Variants in ARHGAP26 observed in about 807,000 individuals in gnomAD.
ARHGAP26 encodes rho GTPase-activating protein 26.
In ARHGAP26, 38 loss-of-function variants were observed where a neutral mutation model predicts 104.8. That is an observed-to-expected ratio of 0.36 (90% CI 0.28 to 0.48). The LOEUF is 0.48. ARHGAP26 is among the 20% of genes least tolerant of loss of function. The pLI is 0.99. For missense variants in ARHGAP26, 704 were observed against 947.9 expected (o/e 0.74, Z 3.38); for synonymous variants, 341 against 340.0 (o/e 1.00, Z -0.03).
intron 12 of ARHGAP26, among the ~76,000 whole-genome samples, chr5:143,034,075 G>A (rs982129150): frequency 3.3e-5 from 5 of 152,148 alleles, no homozygotes; most frequent in Non-Finnish European, 5.9e-5. Flanking sequence ...CCACTAGGAT[G>A]GCTATAATAA....
chr5:142,926,990 G>C (rs7735698), intron 10 of ARHGAP26, among the ~76,000 whole-genome samples: 15,364 of 152,060 alleles, frequency 0.1, 1,953 homozygotes, highest in African/African-American at 0.29. Flanking sequence ...TGGGAGACAA[G>C]TAATTGAACT....
At chr5:143,062,474 ACT>A (rs943582466) in intron 17 of ARHGAP26, among the ~76,000 whole-genome samples, 37 of 148,394 alleles carry the variant, frequency 2.5e-4, no homozygotes, top group African/African-American at 7.7e-4. Context: ...AAATATGTAG[ACT>A]CTGTTGGCAG....
intron 1 of ARHGAP26, among the ~76,000 whole-genome samples, chr5:142,853,196 A>T (rs66542758): frequency 0.22 from 32,878 of 151,614 alleles, 5,164 homozygotes; most frequent in East Asian, 0.63. Flanking sequence ...TTTTATTATT[A>T]TTTTTTGAGA....
At chr5:142,979,154 A>G (rs1314107622) in intron 11 of ARHGAP26, among the ~76,000 whole-genome samples, 4 of 152,238 alleles carry the variant, frequency 2.6e-5, no homozygotes, top group Admixed American at 6.5e-5. Context: ...TGATAATACC[A>G]TGGTGAAGAT....
intron 1 of ARHGAP26, among the ~76,000 whole-genome samples, chr5:142,832,224 C>T (rs1768588456): frequency 6.6e-6 from 1 of 152,130 alleles, no homozygotes; most frequent in Admixed American, 6.5e-5. Flanking sequence ...TGTCCCCTGC[C>T]AAAATTTGTA....
At chr5:143,093,406 A>G (rs991458169) in intron 17 of ARHGAP26, among the ~76,000 whole-genome samples, 2 of 152,212 alleles carry the variant, frequency 1.3e-5, no homozygotes, top group Non-Finnish European at 2.9e-5. Context: ...TTATAGGGTC[A>G]GGAGAAGACC....
chr5:142,887,698 T>C (rs1298250992), intron 5 of ARHGAP26, among the ~76,000 whole-genome samples: 1 of 152,214 alleles, frequency 6.6e-6, no homozygotes, highest in Non-Finnish European at 1.5e-5. Flanking sequence ...CAGGCATTGC[T>C]TTTTAGTTGT....
At chr5:143,191,354 C>G (rs1324230071) in intron 20 of ARHGAP26, among the ~76,000 whole-genome samples, 1 of 152,122 alleles carries the variant, frequency 6.6e-6, no homozygotes, top group Non-Finnish European at 1.5e-5. Context: ...GACAAATATG[C>G]TTTTCATTCA....
At chr5:143,115,848 A>C (rs1163034222) in intron 17 of ARHGAP26, among the ~76,000 whole-genome samples, 1 of 152,190 alleles carries the variant, frequency 6.6e-6, no homozygotes, top group African/African-American at 2.4e-5. Context: ...TCTTATTCCA[A>C]CTACTGTGCT....
chr5:142,797,710 C>T (rs566128342), intron 1 of ARHGAP26, among the ~76,000 whole-genome samples: 28 of 152,324 alleles, frequency 1.8e-4, no homozygotes, highest in Admixed American at 5.2e-4. Flanking sequence ...GCAGGTATTT[C>T]GGTTTTGCAG....
chr5:142,871,993 G>T lies in ARHGAP26; in HGVS notation c.155-1407G>T, dbSNP rs1246383375. On this transcript the variant is annotated intron_variant, in intron 1 of 22. Coordinates refer to ENST00000645722, the MANE Select transcript of ARHGAP26 (RefSeq NM_001135608.3). This position sits in a 1 kb window ranked among gnomAD's most constrained non-coding sequence, Gnocchi z 4.1. ...GTGTGGGAGGGCAGTCCAGGAGCAG[G>T]AGCTGCAGCTGCTGTCCATGCAGTA... Among the ~76,000 whole-genome samples the T allele has an allele frequency of 1.3e-5, 2 of 152,168 alleles. No individual in the cohort carries two copies. Among genetic ancestry groups the T allele is most frequent in the Non-Finnish European group, 2.9e-5 (2 of 68,036 alleles).
rs1236236610 is a variant in ARHGAP26 at position 142,900,318 on chromosome 5, ACTC to A, written c.598-1616_598-1614del. 7.7e-3 allele frequency among the ~76,000 whole-genome samples: 1,174 copies of A among 152,230 alleles called. 14 individuals are homozygous for A. Among genetic ancestry groups the A allele is most frequent in the African/African-American group, 0.027 (1,118 of 41,532 alleles). Reference sequence around the variant, plus strand: ...CTCTAGTGACTCCATGGGGCTTACCACTCATTCACGGATTTATGTTAGGGGTCT... The same window carrying A: ...CTCTAGTGACTCCATGGGGCTTACCAATTCACGGATTTATGTTAGGGGTCT... On this transcript the variant is annotated intron_variant, in intron 6 of 22. Coordinates refer to ENST00000645722, the MANE Select transcript of ARHGAP26 (RefSeq NM_001135608.3).
At chr5:142,837,314 A>G (rs1769783066) in intron 1 of ARHGAP26, among the ~76,000 whole-genome samples, 2 of 152,152 alleles carry the variant, frequency 1.3e-5, no homozygotes, top group Admixed American at 1.3e-4. Flanking sequence ...CATGAGAGGA[A>G]TTAAGGAAGG....
intron 21 of ARHGAP26, 69 bp from the exon 22 acceptor site, chr5:143,213,928 G>A: frequency 9.5e-7 from 1 of 1,049,464 alleles, no homozygotes; most frequent in Non-Finnish European, 1.4e-6. Flanking sequence ...GGGAAGAAGA[G>A]AGATGAAATG....
chr5:143,113,851 AT>A (rs777386749), intron 17 of ARHGAP26, among the ~76,000 whole-genome samples: 8 of 152,180 alleles, frequency 5.3e-5, no homozygotes, highest in Non-Finnish European at 1.2e-4. Context: ...TTTGGGTTGA[AT>A]TTTCTGAGGA....
intron 6 of ARHGAP26, among the ~76,000 whole-genome samples, chr5:142,898,486 C>T (rs1759801741): frequency 6.6e-6 from 1 of 152,180 alleles, no homozygotes; most frequent in South Asian, 2.1e-4. Context: ...AGTGTCTCTT[C>T]CTCTCCTTTC....
chr5:142,949,232 GGAGA>G (rs1554167353), intron 11 of ARHGAP26, among the ~76,000 whole-genome samples: 4 of 27,320 alleles, frequency 1.5e-4, no homozygotes, highest in Admixed American at 3.4e-4. Context: ...GAGAGAGAGA[GGAGA>G]GAGAGAGAGA....
intron 11 of ARHGAP26, among the ~76,000 whole-genome samples, chr5:142,977,225 A>G (rs1487151088): frequency 6.6e-6 from 1 of 152,224 alleles, no homozygotes; most frequent in South Asian, 2.1e-4. Flanking sequence ...ATACAAGACA[A>G]GTTTCAGAGG....
At chr5:142,844,021 C>T (rs1035108173) in intron 1 of ARHGAP26, among the ~76,000 whole-genome samples, 1 of 149,774 alleles carries the variant, frequency 6.7e-6, no homozygotes, top group Non-Finnish European at 1.5e-5. Context: ...AGATACTTGA[C>T]AAGTATCATT....
Sources: gnomAD v4.1 joint callset for allele counts (sites outside exome capture counted in the v4.1 genomes callset) on GRCh38, gnomAD v4.1.1 for gene constraint, Gnocchi (gnomAD v3.1) non-coding constraint, MANE v1.5 for transcripts, NCBI Gene and HGNC (gene_info 2026-07-23, HGNC 2026-07-21) for gene names.